Variants in CAST observed in about 807,000 individuals in gnomAD.
CAST encodes the protein calpastatin.
CAST carries 76 observed loss-of-function variants against 119.6 expected under a neutral mutation model. That is an observed-to-expected ratio of 0.64 (90% CI 0.53 to 0.77). The LOEUF (loss-of-function observed/expected upper bound fraction) is 0.77. Among genes scored for constraint, CAST ranks in the 30% least tolerant of loss-of-function variants. CAST has a pLI of 0.00. For synonymous variants in CAST, 319 were observed against 331.6 expected (o/e 0.96, Z 0.41); for missense variants, 953 against 946.5 (o/e 1.01, Z -0.09).
At chr5:96,418,983 A>G in the CAST span, among the ~76,000 whole-genome samples, 1 of 152,138 alleles carries the variant, frequency 6.6e-6, no homozygotes, top group Non-Finnish European at 1.5e-5. Flanking sequence ...CATCATCATC[A>G]TCACCACAGC....
the CAST span, among the ~76,000 whole-genome samples, chr5:96,038,696 T>C: frequency 6.6e-6 from 1 of 152,070 alleles, no homozygotes; most frequent in African/African-American, 2.4e-5. Flanking sequence ...GCAAAGGACA[T>C]GAACTCATCC....
chr5:96,622,572 C>G (rs1747633270), intron 1 of CAST, among the ~76,000 whole-genome samples: 1 of 152,016 alleles, frequency 6.6e-6, no homozygotes, highest in African/African-American at 2.4e-5. Flanking sequence ...CTTTCTGTCC[C>G]TCAATGCTGG....
the CAST span, among the ~76,000 whole-genome samples, chr5:96,024,676 T>G: frequency 7.3e-4 from 111 of 152,266 alleles, no homozygotes; most frequent in South Asian, 2.3e-3. Context: ...TAAAAACAAG[T>G]GAATTAGGCT....
At chr5:96,355,421 G>A in the CAST span, among the ~76,000 whole-genome samples, 2 of 152,098 alleles carry the variant, frequency 1.3e-5, no homozygotes, top group Non-Finnish European at 1.5e-5. Context: ...TCTTTATCCA[G>A]TCTATCATTA....
chr5:96,072,878 C>A, the CAST span, among the ~76,000 whole-genome samples: 1 of 152,236 alleles, frequency 6.6e-6, no homozygotes, highest in African/African-American at 2.4e-5. Context: ...CGATTCTAGT[C>A]AAAATCCCAA....
At chr5:96,234,771 G>C in the CAST span, among the ~76,000 whole-genome samples, 1 of 152,082 alleles carries the variant, frequency 6.6e-6, no homozygotes, top group Non-Finnish European at 1.5e-5. Flanking sequence ...TATCTCATTG[G>C]CCAGAAATGT....
the CAST span, among the ~76,000 whole-genome samples, chr5:96,288,963 C>A: frequency 0.025 from 3,742 of 152,104 alleles, 163 homozygotes; most frequent in African/African-American, 0.085. Context: ...TCCCTTACAT[C>A]CTGCCTGAGC....
intron 27 of CAST, 21 bp downstream of exon 27, chr5:96,766,166 A>T: frequency 7.4e-7 from 1 of 1,355,244 alleles, no homozygotes; most frequent in South Asian, 1.2e-5. Context: ...GCAAATTGCT[A>T]GATCGGATTT....
chr5:95,975,361 G>T, the CAST span, among the ~76,000 whole-genome samples: 573 of 152,206 alleles, frequency 3.8e-3, 5 homozygotes, highest in African/African-American at 0.013. Context: ...AGGTCCCTGG[G>T]CCCCAGCCCT....
the CAST span, among the ~76,000 whole-genome samples, chr5:96,024,487 C>G: frequency 1.3e-5 from 2 of 152,098 alleles, no homozygotes; most frequent in Non-Finnish European, 2.9e-5. Flanking sequence ...TTCCTTGGCC[C>G]CTCTCAACCA....
chr5:96,438,011 CA>C, the CAST span, among the ~76,000 whole-genome samples: 4 of 152,146 alleles, frequency 2.6e-5, no homozygotes, highest in African/African-American at 4.8e-5. Flanking sequence ...TACATGATAG[CA>C]ATTCATACTT....
chr5:96,563,058 C>T (rs924033245), intron 1 of CAST, among the ~76,000 whole-genome samples: 6 of 152,164 alleles, frequency 3.9e-5, no homozygotes, highest in African/African-American at 1.4e-4. Context: ...AGGAAAGAAA[C>T]ATCCTTGACT....
At chr5:96,588,132 G>A (rs11135477) in intron 1 of CAST, among the ~76,000 whole-genome samples, 60,769 of 148,702 alleles carry the variant, frequency 0.41, 13,206 homozygotes, top group East Asian at 0.61. Flanking sequence ...CAAAACTGAT[G>A]CAATTAATAT....
the CAST span, among the ~76,000 whole-genome samples, chr5:96,182,858 G>C: frequency 6.6e-6 from 1 of 152,108 alleles, no homozygotes; most frequent in Admixed American, 6.5e-5. Context: ...AAGGTTTCTG[G>C]CCGGGCATGG....
the CAST span, among the ~76,000 whole-genome samples, chr5:96,073,618 C>T: frequency 6.6e-6 from 1 of 152,140 alleles, no homozygotes; most frequent in South Asian, 2.1e-4. Context: ...CTCAGGTCAT[C>T]AGACATTAGT....
intron 1 of CAST, among the ~76,000 whole-genome samples, chr5:96,639,991 T>A (rs1747931219): frequency 6.6e-6 from 1 of 152,164 alleles, no homozygotes; most frequent in Admixed American, 6.5e-5. Flanking sequence ...TCCATAATGA[T>A]GTTTTCCTGA....
chr5:96,695,404 A>G (rs1166397267), intron 2 of CAST, among the ~76,000 whole-genome samples: 2 of 152,174 alleles, frequency 1.3e-5, no homozygotes, highest in African/African-American at 4.8e-5. Flanking sequence ...TGTGATCAGT[A>G]TCTTTGTAGA....
chr5:96,209,434 T>A, the CAST span, among the ~76,000 whole-genome samples: 1 of 152,010 alleles, frequency 6.6e-6, no homozygotes, highest in East Asian at 1.9e-4. Context: ...AAATTAAGTG[T>A]GTTTTTTTAG....
At chr5:96,682,692 C>A (rs1275406476) in intron 2 of CAST, among the ~76,000 whole-genome samples, 1 of 152,092 alleles carries the variant, frequency 6.6e-6, no homozygotes, top group African/African-American at 2.4e-5. Flanking sequence ...TGTCCTTAGC[C>A]CTGCTCTTCA....
Sources: allele counts gnomAD v4.1 joint callset (sites outside exome capture counted in the v4.1 genomes callset), GRCh38; gene constraint gnomAD v4.1.1; transcripts MANE v1.5; gene names NCBI Gene and HGNC (gene_info 2026-07-23, HGNC 2026-07-21).